Variants in ADAMTS18 observed in about 807,000 individuals in gnomAD.
ADAMTS18 encodes ADAM metallopeptidase with thrombospondin type 1 motif 18.
Under a neutral mutation model 165.9 loss-of-function variants are expected in ADAMTS18, and 157 were observed. That is an observed-to-expected ratio of 0.95 (90% confidence interval 0.83 to 1.08). The LOEUF (loss-of-function observed/expected upper bound fraction) is 1.08, where lower values mean the gene tolerates loss of function less well. Among genes scored for constraint, ADAMTS18 ranks in the 50% least tolerant of loss-of-function variants. The probability of loss-of-function intolerance (pLI) is 0.00; values close to 1 mark genes in which losing one functional copy is unlikely to be tolerated. For missense variants in ADAMTS18, 2,040 were observed against 1,534.0 expected, an observed-to-expected ratio of 1.33 and a Z score of -5.51; for synonymous variants, 782 against 578.2, an observed-to-expected ratio of 1.35 and a Z score of -5.06.
intron 11 of ADAMTS18, among the ~76,000 whole-genome samples, chr16:77,340,529 CAG>C (rs1219628596): frequency 2.0e-5 from 3 of 152,064 alleles, no homozygotes; most frequent in African/African-American, 7.2e-5. Context: ...TCTACATCCC[CAG>C]AGTCTCCTGT....
At chr16:77,428,111 G>A (rs551513700) in intron 3 of ADAMTS18, among the ~76,000 whole-genome samples, 1 of 152,200 alleles carries the variant, frequency 6.6e-6, no homozygotes, top group Admixed American at 6.5e-5. Flanking sequence ...GGACCCTAAG[G>A]CCAGTGGTCT....
At chr16:77,311,311 CATT>C (rs1324386298) in intron 16 of ADAMTS18, among the ~76,000 whole-genome samples, 1 of 152,128 alleles carries the variant, frequency 6.6e-6, no homozygotes, top group Non-Finnish European at 1.5e-5. Context: ...GTGATTTTAG[CATT>C]TCACAAGATT....
intron 3 of ADAMTS18, among the ~76,000 whole-genome samples, chr16:77,407,361 T>C (rs1006371233): frequency 6.6e-6 from 1 of 152,092 alleles, no homozygotes; most frequent in Non-Finnish European, 1.5e-5. Flanking sequence ...AGATGTACCA[T>C]GTTCATAGAC....
At chr16:77,395,447 C>T (rs2057244127) in intron 3 of ADAMTS18, among the ~76,000 whole-genome samples, 1 of 152,202 alleles carries the variant, frequency 6.6e-6, no homozygotes, top group Admixed American at 6.5e-5. Context: ...TCATTCCCTC[C>T]ACTGGGGCTG....
chr16:77,425,277 C>A (rs933788499), intron 3 of ADAMTS18, among the ~76,000 whole-genome samples: 1 of 152,038 alleles, frequency 6.6e-6, no homozygotes, highest in Non-Finnish European at 1.5e-5. Flanking sequence ...AAAAGAGAAA[C>A]GAGGGGAAAC....
At chr16:77,392,493 C>T (rs891110194) in intron 3 of ADAMTS18, among the ~76,000 whole-genome samples, 1 of 152,132 alleles carries the variant, frequency 6.6e-6, no homozygotes, top group African/African-American at 2.4e-5. Flanking sequence ...GAGAAAACTT[C>T]CCTGAACACC....
In ADAMTS18 at chr16:77,396,426, T is replaced by G. The variant is rs541592278; in HGVS notation, c.496-28703A>C. 1.5e-3 allele frequency among the ~76,000 whole-genome samples: 233 copies of G among 152,352 alleles called. 1 individual carries two copies. Among genetic ancestry groups the G allele is most frequent in the African/African-American group, 5.1e-3 (214 of 41,590 alleles). ...GACTGCACTTCAGCATAAAGCCATTTAAAAATAACTATTTCCAGATACCAT... is the reference window on the plus strand; with the variant it reads ...GACTGCACTTCAGCATAAAGCCATTGAAAAATAACTATTTCCAGATACCAT... On this transcript the variant is annotated intron_variant, in intron 3 of 22. Coordinates refer to ENST00000282849, the MANE Select transcript of ADAMTS18 (RefSeq NM_199355.4).
intron 3 of ADAMTS18, among the ~76,000 whole-genome samples, chr16:77,424,938 G>A (rs543236861): frequency 1.3e-5 from 2 of 152,290 alleles, no homozygotes; most frequent in Admixed American, 6.5e-5. Flanking sequence ...GCCCGCCATG[G>A]ACGAAGGTCA....
chr16:77,413,738 T>G (rs756686857), intron 3 of ADAMTS18, among the ~76,000 whole-genome samples: 1 of 150,756 alleles, frequency 6.6e-6, no homozygotes, highest in Non-Finnish European at 1.5e-5. Flanking sequence ...TATAGCTATT[T>G]AGTATAACTA....
chr16:77,305,452 T>C (rs1318544011), intron 16 of ADAMTS18, among the ~76,000 whole-genome samples: 2 of 152,148 alleles, frequency 1.3e-5, no homozygotes, highest in Non-Finnish European at 2.9e-5. Context: ...TCAACAGTCA[T>C]TGTTTGAAAA....
Position 77,346,834 on chromosome 16 carries a change from C to A in ADAMTS18, c.1615-5035G>T, listed in dbSNP as rs575182700. On this transcript the variant is annotated intron_variant, in intron 10 of 22. Coordinates refer to ENST00000282849, the MANE Select transcript of ADAMTS18 (RefSeq NM_199355.4). Reference sequence around the variant, plus strand: ...CAACTTTACAGAGGTATGATTTATACAATAATATGCATTCATTTTAAGTGT... The same window carrying A: ...CAACTTTACAGAGGTATGATTTATAAAATAATATGCATTCATTTTAAGTGT... Among the ~76,000 whole-genome samples the A allele has an allele frequency of 1.6e-3, 249 of 152,278 alleles. 2 individuals carry two copies. Among genetic ancestry groups the A allele is most frequent in the African/African-American group, 5.8e-3 (240 of 41,556 alleles).
chr16:77,308,841 C>T (rs1321750795), intron 16 of ADAMTS18, among the ~76,000 whole-genome samples: 1 of 152,176 alleles, frequency 6.6e-6, no homozygotes, highest in Non-Finnish European at 1.5e-5. Flanking sequence ...TTTCACAATT[C>T]AATCACTTGA....
chr16:77,412,662 T>C lies in ADAMTS18; in HGVS notation c.495+18633A>G, dbSNP rs531499495. 4.1e-4 allele frequency among the ~76,000 whole-genome samples: 62 copies of C among 152,224 alleles called. No individual in the cohort carries two copies. In the Middle Eastern group the frequency reaches 0.024, roughly 58 times the overall value. ...CATGGTGGAAGGTGAAACGCACGTCTTACATGGCAGCAGGCAAGAGAGAAT... is the reference window on the plus strand; with the variant it reads ...CATGGTGGAAGGTGAAACGCACGTCCTACATGGCAGCAGGCAAGAGAGAAT... On this transcript the variant is annotated intron_variant, in intron 3 of 22. Transcript: ENST00000282849.
chr16:77,405,363 A>G (rs185890224), intron 3 of ADAMTS18, among the ~76,000 whole-genome samples: 206 of 152,290 alleles, frequency 1.4e-3, no homozygotes, highest in African/African-American at 4.5e-3. Flanking sequence ...CCTGCATCCA[A>G]TTCAGCTCTC....
At chr16:77,288,723 T>C (rs751151900) in intron 22 of ADAMTS18, among the ~76,000 whole-genome samples, 3 of 152,184 alleles carry the variant, frequency 2.0e-5, no homozygotes, top group South Asian at 2.1e-4. Context: ...TTGAGGGCTA[T>C]TGTTGTTCAC....
At position 77,431,449 on chromosome 16, in the gene ADAMTS18, G is replaced by A. The variant is rs1294431422; in HGVS notation, c.341C>T (p.Pro114Leu). ...FGQELHLELKPSAILSSHFIV... is the reference protein window; with the variant it reads ...FGQELHLELKLSAILSSHFIV... ...AAAGTGACTGCTCAAAATCGCCGAG[G>A]GCTTAAGTTCTAAGTGCAGTTCCTG... Residue 114 changes from proline (P) to leucine (L), a missense_variant, in exon 3 of 23, where the codon CCC (proline) becomes CTC (leucine). By Grantham distance (98) the Pro-to-Leu change is moderately conservative (BLOSUM62 -3). Coordinates refer to ENST00000282849, the MANE Select transcript of ADAMTS18 (RefSeq NM_199355.4). 1.2e-5 allele frequency: 20 copies of A among 1,614,046 alleles called. No homozygotes were observed. The highest frequency in any genetic ancestry group is 2.2e-5 in the South Asian group (2 of 91,082).
intron 3 of ADAMTS18, among the ~76,000 whole-genome samples, chr16:77,421,646 T>C (rs1468430342): frequency 1.3e-5 from 2 of 152,202 alleles, no homozygotes; most frequent in African/African-American, 4.8e-5. Context: ...AAGCCAGGTA[T>C]TAATGATGGT....
At chr16:77,400,424 T>TTGTGTGTGTGTGTGTGTGTGTGTG (rs145473637) in intron 3 of ADAMTS18, among the ~76,000 whole-genome samples, 2 of 136,050 alleles carry the variant, frequency 1.5e-5, no homozygotes, top group Admixed American at 1.5e-4. Context: ...TCAGGGGGAA[T>TTGTGTGTGTGTGTGTGTGTGTGTG]TGTGTGTGTG....
At chr16:77,357,388 A>G (rs1043402190) in intron 8 of ADAMTS18, among the ~76,000 whole-genome samples, 5 of 152,186 alleles carry the variant, frequency 3.3e-5, no homozygotes, top group African/African-American at 1.2e-4. Flanking sequence ...ACTAACGTCA[A>G]TGTATACTCA....
Sources: gnomAD v4.1 joint callset for allele counts (sites outside exome capture counted in the v4.1 genomes callset) on GRCh38, gnomAD v4.1.1 for gene constraint, MANE v1.5 for transcripts, NCBI Gene and HGNC (gene_info 2026-07-23, HGNC 2026-07-21) for gene names.